TRIM46: variants seen among roughly 807,000 people sequenced by gnomAD.
The protein encoded by TRIM46 is tripartite motif containing 46.
TRIM46 carries 17 observed loss-of-function variants against 69.7 expected under a neutral mutation model. The observed-to-expected ratio is 0.24, with a 90% confidence interval of 0.17 to 0.37. TRIM46 has a LOEUF of 0.37. TRIM46 is among the 10% of genes least tolerant of loss of function. The probability of loss-of-function intolerance (pLI) is 1.00; values close to 1 mark genes in which losing one functional copy is unlikely to be tolerated. For missense variants in TRIM46, 675 were observed against 1,025.1 expected (o/e 0.66, Z 4.66); for synonymous variants, 391 against 429.0 (o/e 0.91, Z 1.09).
chr1:155,178,946 C>T, intron 7 of TRIM46: 1 of 891,182 alleles, frequency 1.1e-6, no homozygotes, highest in Non-Finnish European at 1.6e-6. Context: ...TTGCTTCCTT[C>T]TCTTTCCTGC....
rs544130617 is a variant in TRIM46, at chr1:155,183,118, G to A, written c.1887-679G>A. Reference sequence around the variant, plus strand: ...GTAGAGACGGGCTTTCACCGTGTTAGCCAGGATGGTCTCAATCTCCTGACC... The same window carrying A: ...GTAGAGACGGGCTTTCACCGTGTTAACCAGGATGGTCTCAATCTCCTGACC... On this transcript the variant is annotated intron_variant, in intron 9 of 9. Coordinates refer to ENST00000334634, the MANE Select transcript of TRIM46 (RefSeq NM_025058.5). 2.6e-5 allele frequency among the ~76,000 whole-genome samples: 4 copies of A among 151,936 alleles called. No individual in the cohort carries two copies. In the East Asian group the frequency reaches 5.9e-4, roughly 22 times the overall value.
At position 155,178,212 on chromosome 1, in the gene TRIM46, G is replaced by C; in HGVS notation, c.1120G>C (p.Asp374His). 6 of 1,611,640 alleles carry C rather than the reference G, an allele frequency of 3.7e-6. No individual in the cohort carries two copies. Among genetic ancestry groups the C allele is most frequent in the Non-Finnish European group, 5.1e-6 (6 of 1,178,146 alleles). Residue 374 changes from aspartate to histidine, a missense_variant, in exon 6 of 10, where the codon GAC becomes CAC. Around this residue, in one of 5 missense-constraint regions of TRIM46, gnomAD observed 361 missense variants for 498.3 expected, o/e 0.72. Coordinates refer to ENST00000334634, the MANE Select transcript of TRIM46 (RefSeq NM_025058.5). Reference protein sequence around the residue: ...GYAQEVLKETDQPCFVQAAKQ... With the variant: ...GYAQEVLKETHQPCFVQAAKQ... The stretch of plus-strand genomic sequence containing the variant: ...TGCCCAGGAAGTACTTAAGGAAACA[G>C]ACCAGCCTTGCTTTGTGCAAGCCGC...
rs1230492124 is a variant in TRIM46 at position 155,176,093 on chromosome 1, C to T, written c.531C>T (p.Pro177=). ...CCATCCTGTGCCAGTTGTGCAAGCC[C>T]CCACCACTAGAGGCCACCAAGGGCT... ...GGAILCQLCK[P]PPLEATKGCT... Residue 177 remains proline, a synonymous_variant, in exon 3 of 10, where the codon CCC becomes CCT. Transcript: ENST00000334634. The T allele has an allele frequency of 1.2e-6, 2 of 1,614,036 alleles. No homozygotes were observed. The highest frequency in any genetic ancestry group is 1.1e-5 in the South Asian group (1 of 91,084).
rs756037961 is a variant in TRIM46 at position 155,175,818 on chromosome 1, A to G, written c.326-70A>G. 1.1e-5 allele frequency: 17 copies of G among 1,578,450 alleles called. No individual in the cohort carries two copies. Among genetic ancestry groups the G allele is most frequent in the Middle Eastern group, 1.7e-4 (1 of 5,932 alleles). On this transcript the variant is annotated intron_variant, in intron 2 of 9. Transcript: ENST00000334634. The surrounding 1 kb of genome is among the most constrained non-coding windows in gnomAD (Gnocchi z 4.2). The stretch of plus-strand genomic sequence containing the variant: ...TCTGGCACAATGAAAATCTAATTTA[A>G]TTAAACAGGCTTCCCCACACCCAGC...
intron 8 of TRIM46, chr1:155,180,771 G>A (rs1381213273): frequency 1.3e-5 from 2 of 154,268 alleles, no homozygotes; most frequent in African/African-American, 4.8e-5. Context: ...TTAGCTGGGT[G>A]TGGTGGCGCA....
intron 3 of TRIM46, 115 bp from the exon 4 acceptor site, chr1:155,176,817 G>A (rs748653370): frequency 3.0e-5 from 40 of 1,328,098 alleles, no homozygotes; most frequent in Admixed American, 5.7e-5. Context: ...CACCACCAGC[G>A]GATGTCTCCA....
In TRIM46 at chr1:155,184,281, TC is replaced by T. The variant is rs1666389740; in HGVS notation, c.*96del. Reference sequence around the variant, plus strand: ...CCGGTTGTTACCCCCTGGCAGCTTCTCCCCCAAACTCTCCTACCATGTGGCC... The same window carrying T: ...CCGGTTGTTACCCCCTGGCAGCTTCTCCCCAAACTCTCCTACCATGTGGCC... On this transcript the variant is annotated 3_prime_UTR_variant, in exon 10 of 10. Coordinates refer to ENST00000334634, the MANE Select transcript of TRIM46 (RefSeq NM_025058.5). This position sits in a 1 kb window ranked among gnomAD's most constrained non-coding sequence, Gnocchi z 5.6. The T allele has an allele frequency of 3.0e-6, 4 of 1,336,540 alleles. No homozygotes were observed. The highest frequency in any genetic ancestry group is 2.8e-5 in the Admixed American group (1 of 35,442). The allele number at this position is 1,336,540 out of a possible 1,614,324, so 82.8% of individuals were successfully genotyped here. A position where few individuals can be genotyped will look rare whatever the true frequency, so the allele number is the denominator to read the frequency against.
Position 155,182,048 on chromosome 1 carries a change from C to G in TRIM46, c.1785C>G (p.Ala595=), listed in dbSNP as rs771150554. 1.9e-6 allele frequency: 3 copies of G among 1,614,006 alleles called. No individual in the cohort carries two copies. Among genetic ancestry groups the G allele is most frequent in the Non-Finnish European group, 2.5e-6 (3 of 1,179,938 alleles). The change falls in exon 9 of 10, where the codon GCC becomes GCG. Residue 595 remains alanine, a synonymous_variant. Transcript: ENST00000334634. ...TGACCCAGGGCCGCAGCTACTGGGC[C>G]TGCGCCGTAGACCCAGCCTCCTACT... ...VAVTQGRSYW[A]CAVDPASYLV...
rs1557809120 is a variant in TRIM46 at position 155,175,849 on chromosome 1, G to GT, written c.326-38dup. 6.3e-7 allele frequency: 1 copy of GT among 1,585,870 alleles called. No homozygotes were observed. Among genetic ancestry groups the GT allele is most frequent in the Non-Finnish European group, 8.6e-7 (1 of 1,166,416 alleles). ...CAGGCTTCCCCACACCCAGCCAGCT[G>GT]TAACTCTCATGTCCTCTACCTCCCT... On this transcript the variant is annotated intron_variant, in intron 2 of 9. Coordinates refer to ENST00000334634, the MANE Select transcript of TRIM46 (RefSeq NM_025058.5). This position sits in a 1 kb window ranked among gnomAD's most constrained non-coding sequence, Gnocchi z 4.2.
Position 155,177,086 on chromosome 1 carries a change from C to T in TRIM46, c.813+11C>T. 2 of 1,612,418 alleles carry T rather than the reference C, an allele frequency of 1.2e-6. No individual in the cohort carries two copies. The highest frequency in any genetic ancestry group is 1.7e-6 in the Non-Finnish European group (2 of 1,178,552). ...TACCAGGCCCTCAAGGTAAGGACCCCCCTTATCCAACCCTAGTGCTAACTC... is the reference window on the plus strand; with the variant it reads ...TACCAGGCCCTCAAGGTAAGGACCCTCCTTATCCAACCCTAGTGCTAACTC... On this transcript the variant is annotated intron_variant, in intron 4 of 9. Coordinates refer to ENST00000334634, the MANE Select transcript of TRIM46 (RefSeq NM_025058.5).
Position 155,175,456 on chromosome 1 carries a change from T to G in TRIM46, c.134T>G (p.Val45Gly). 2.5e-6 allele frequency: 4 copies of G among 1,614,086 alleles called. No individual in the cohort carries two copies. The highest frequency in any genetic ancestry group is 3.4e-6 in the Non-Finnish European group (4 of 1,179,980). Residue 45 changes from valine to glycine, a missense_variant, in exon 2 of 10, where the codon GTG becomes GGG. Physicochemically the swap from Val to Gly is moderately radical, Grantham distance 109. Transcript: ENST00000334634. The surrounding 1 kb of genome is among the most constrained non-coding windows in gnomAD (Gnocchi z 4.2). ...CAAGAGATGTACAAGCAGCCACTGGTGCTGCCCTGTACCCACAACGTGTGC... is the reference window on the plus strand; with the variant it reads ...CAAGAGATGTACAAGCAGCCACTGGGGCTGCCCTGTACCCACAACGTGTGC... ...VCQEMYKQPLVLPCTHNVCQA... is the reference protein window; with the variant it reads ...VCQEMYKQPLGLPCTHNVCQA...
At chr1:155,178,278 A>AG (rs767352639) in intron 6 of TRIM46, 23 bp downstream of exon 6, 3 of 1,577,480 alleles carry the variant, frequency 1.9e-6, no homozygotes, top group South Asian at 1.2e-5. Context: ...ATGGGCTCCT[A>AG]GGGGGGCAGG....
intron 1 of TRIM46, among the ~76,000 whole-genome samples, chr1:155,174,252 G>A (rs1665421467): frequency 6.6e-6 from 1 of 152,148 alleles, no homozygotes; most frequent in Non-Finnish European, 1.5e-5. Context: ...AGCGTGAGGA[G>A]GAGCTAGGAG....
intron 3 of TRIM46, among the ~76,000 whole-genome samples, chr1:155,176,651 C>A (rs551901660): frequency 6.6e-6 from 1 of 152,312 alleles, no homozygotes; most frequent in Admixed American, 6.5e-5. Context: ...TATTAACTAC[C>A]AGGCAAAGAT....
At chr1:155,174,503 CA>C (rs1400609883) in intron 1 of TRIM46, 1 of 1,432,838 alleles carries the variant, frequency 7.0e-7, no homozygotes, top group Admixed American at 2.6e-5. Flanking sequence ...CTGCGGTTGT[CA>C]TGGCAACCCG....
Position 155,176,285 on chromosome 1 carries a change from G to T in TRIM46, c.669+54G>T, listed in dbSNP as rs561988302. The T allele has an allele frequency of 1.1e-4, 168 of 1,511,064 alleles. 1 individual carries two copies. The South Asian group carries it at 2.0e-3, about 18-fold the overall frequency. 93.6% of individuals were successfully genotyped at this position (1,511,064 alleles called of 1,614,324 possible). On this transcript the variant is annotated intron_variant, in intron 3 of 9. Transcript: ENST00000334634. ...GGGAGGGACATGCTGCTGCAGGTGG[G>T]TGGGGGTGCCTGGCATTGTGGGTTT...
intron 7 of TRIM46, among the ~76,000 whole-genome samples, chr1:155,179,027 C>T (rs1363627460): frequency 2.6e-5 from 4 of 152,362 alleles, no homozygotes; most frequent in African/African-American, 9.6e-5. Flanking sequence ...CAGGCGCTTG[C>T]GTAATCCTGG....
intron 8 of TRIM46, 96 bp downstream of exon 8, chr1:155,180,030 A>G (rs1666027679): frequency 7.7e-7 from 1 of 1,305,244 alleles, no homozygotes; most frequent in Non-Finnish European, 1.0e-6. Context: ...GAGAGGCCAT[A>G]TAACATAGTA....
At chr1:155,174,801 G>A (rs1665499899) in intron 1 of TRIM46, 2 of 1,455,672 alleles carry the variant, frequency 1.4e-6, no homozygotes, top group Non-Finnish European at 1.8e-6. Flanking sequence ...GCGGGAGAGG[G>A]CGGGAGGGCC....
Sources: allele counts gnomAD v4.1 joint callset (sites outside exome capture counted in the v4.1 genomes callset), GRCh38; gene constraint gnomAD v4.1.1; regional missense constraint gnomAD v4.1.1; non-coding constraint Gnocchi (gnomAD v3.1); transcripts MANE v1.5; gene names NCBI Gene and HGNC (gene_info 2026-07-23, HGNC 2026-07-21).